Variants in ACTA2 observed in about 807,000 individuals in gnomAD.
ACTA2 encodes actin alpha 2, smooth muscle, also known as actin, aortic smooth muscle.
A neutral mutation model predicts 39.5 loss-of-function variants in ACTA2; 12 were observed. The ratio of observed to expected loss-of-function variants is 0.30; its 90% CI spans 0.19 to 0.49. The LOEUF (loss-of-function observed/expected upper bound fraction) is 0.49, where lower values mean the gene tolerates loss of function less well. Among genes scored for constraint, ACTA2 ranks in the 20% least tolerant of loss-of-function variants. The pLI is 0.99. For synonymous variants in ACTA2, 158 were observed against 180.6 expected (o/e 0.88, Z 1.00); for missense variants, 236 against 498.8 (o/e 0.47, Z 5.02).
At position 88,938,070 on chromosome 10, in the gene ACTA2, C is replaced by T. The variant is rs762773930; in HGVS notation, c.981G>A (p.Met327Ile). 1 of 1,613,918 alleles carries T rather than the reference C, an allele frequency of 6.2e-7. No homozygotes were observed. Among genetic ancestry groups the T allele is most frequent in the Non-Finnish European group, 8.5e-7 (1 of 1,179,902 alleles). The change falls in exon 8 of 9, where the codon ATG becomes ATA. Residue 327 changes from methionine (M) to isoleucine (I), a missense_variant. Physicochemically the swap from Met to Ile is conservative, Grantham distance 10. Transcript: ENST00000224784. The stretch of plus-strand genomic sequence containing the variant: ...TGTCACTGAACAGTACCTTGATCTT[C>T]ATGGTGCTGGGTGCTAGGGCCGTGA... Reference protein sequence around the residue: ...KEITALAPSTMKIKIIAPPER... With the variant: ...KEITALAPSTIKIKIIAPPER...
intron 1 of ACTA2, among the ~76,000 whole-genome samples, chr10:88,949,995 A>G (rs559038120): frequency 3.3e-5 from 5 of 152,350 alleles, no homozygotes; most frequent in African/African-American, 1.2e-4. Flanking sequence ...CTTTCATAAA[A>G]TTAGAAAGGC....
At chr10:88,945,855 C>G (rs934933218) in intron 3 of ACTA2, among the ~76,000 whole-genome samples, 5 of 152,114 alleles carry the variant, frequency 3.3e-5, no homozygotes, top group Non-Finnish European at 4.4e-5. Context: ...TAAGACTACT[C>G]CCAGCATTTC....
chr10:88,947,717 T>A (rs908349833), intron 2 of ACTA2, among the ~76,000 whole-genome samples: 1 of 152,340 alleles, frequency 6.6e-6, no homozygotes, highest in Non-Finnish European at 1.5e-5. Flanking sequence ...ATGGCACATA[T>A]GTGGCACTCA....
intron 1 of ACTA2, among the ~76,000 whole-genome samples, chr10:88,981,777 C>T (rs1846719378): frequency 6.6e-6 from 1 of 152,066 alleles, no homozygotes; most frequent in Admixed American, 6.5e-5. Context: ...AGTCTGTGCT[C>T]GTGGGTATGT....
At chr10:88,942,097 AGT>A (rs1845866435) in intron 4 of ACTA2, among the ~76,000 whole-genome samples, 1 of 152,168 alleles carries the variant, frequency 6.6e-6, no homozygotes. Context: ...GGGAAGAAAC[AGT>A]GTGCACACAA....
intron 1 of ACTA2, chr10:88,973,360 T>A: frequency 6.8e-7 from 1 of 1,466,512 alleles, no homozygotes; most frequent in Non-Finnish European, 9.1e-7. Flanking sequence ...AATCCAAGAA[T>A]TGCCAGGCGA....
intron 6 of ACTA2, chr10:88,940,595 T>A (rs1845829841): frequency 6.0e-6 from 1 of 166,522 alleles, no homozygotes; most frequent in African/African-American, 2.4e-5. Flanking sequence ...ACATACAATG[T>A]TTCTGGCAAT....
At position 88,941,335 on chromosome 10, in the gene ACTA2, G is replaced by A. The variant is rs891270851; in HGVS notation, c.510C>T (p.Gly170=). Residue 170 remains glycine (G), a synonymous_variant, in exon 6 of 9, where the codon GGC becomes GGT. Coordinates refer to ENST00000224784, the MANE Select transcript of ACTA2 (RefSeq NM_001613.4). The stretch of plus-strand genomic sequence containing the variant: ...GCATGATGGCATGGGGCAAGGCATA[G>A]CCCTCATAGATGGGGACATTGTGGG... The part of the protein sequence containing the change: ...GVTHNVPIYE[G]YALPHAIMRL... 4 of 1,613,774 alleles carry A rather than the reference G, an allele frequency of 2.5e-6. No homozygotes were observed. Among genetic ancestry groups the A allele is most frequent in the Non-Finnish European group, 1.7e-6 (2 of 1,179,952 alleles).
At chr10:88,976,479 A>G (rs552791970) in intron 1 of ACTA2, among the ~76,000 whole-genome samples, 1 of 152,358 alleles carries the variant, frequency 6.6e-6, no homozygotes, top group East Asian at 1.9e-4. Flanking sequence ...AAATTAGTAC[A>G]TTAATTACAT....
chr10:88,957,620 C>T (rs1846158316), upstream of ACTA2, among the ~76,000 whole-genome samples: 1 of 152,190 alleles, frequency 6.6e-6, no homozygotes, highest in Non-Finnish European at 1.5e-5. Flanking sequence ...AACTGAGGAC[C>T]TTTGCTCATG....
In ACTA2 at chr10:88,990,981, G is replaced by C; in HGVS notation, c.-66C>G. The C allele has an allele frequency of 1.2e-6, 2 of 1,605,668 alleles. No individual in the cohort carries two copies. Among genetic ancestry groups the C allele is most frequent in the Non-Finnish European group, 1.7e-6 (2 of 1,173,098 alleles). On this transcript the variant is annotated 5_prime_UTR_variant, in exon 1 of 5. Coordinates refer to the ACTA2 transcript ENST00000415557. The surrounding 1 kb of genome is among the most constrained non-coding windows in gnomAD (Gnocchi z 4.9). ...GATAGGCAAAGTGGGGCGGGCGCGG[G>C]ACGCGTGCGGGATTGCGGCGGCAGC...
At position 88,941,766 on chromosome 10, in the gene ACTA2, G is replaced by A; in HGVS notation, c.454+19C>T. The A allele has an allele frequency of 6.2e-7, 1 of 1,604,812 alleles. No homozygotes were observed. The highest frequency in any genetic ancestry group is 2.2e-5 in the East Asian group (1 of 44,540). On this transcript the variant is annotated intron_variant, in intron 5 of 8. Coordinates refer to ENST00000224784, the MANE Select transcript of ACTA2 (RefSeq NM_001613.4). Reference sequence around the variant, plus strand: ...GGCAGTGCGCTCCAACCAGCTTGCTGTCCCGCCCAGCCACCTACCAGTTGT... The same window carrying A: ...GGCAGTGCGCTCCAACCAGCTTGCTATCCCGCCCAGCCACCTACCAGTTGT...
rs186105132 is a variant in ACTA2 at position 88,963,067 on chromosome 10, C to T, written c.-23-14114G>A. On this transcript the variant is annotated intron_variant, in intron 1 of 4. Coordinates refer to the ACTA2 transcript ENST00000415557. ...ATCTCATGAGACTTATTCACTGTCA[C>T]GAGAACAGCACAGAAAAGACCCACC... Among the ~76,000 whole-genome samples, 146 of 150,162 alleles carry T rather than the reference C, an allele frequency of 9.7e-4. 2 individuals are homozygous for T. Among genetic ancestry groups the T allele is most frequent in the African/African-American group, 1.4e-3 (59 of 41,076 alleles).
chr10:88,972,039 G>A (rs909251478), intron 1 of ACTA2, among the ~76,000 whole-genome samples: 22 of 152,028 alleles, frequency 1.4e-4, no homozygotes, highest in African/African-American at 4.8e-4. Context: ...CTCCTAAGGA[G>A]CTGGGACTAC....
intron 1 of ACTA2, among the ~76,000 whole-genome samples, chr10:88,962,026 G>T (rs1345337899): frequency 6.6e-6 from 1 of 152,020 alleles, no homozygotes; most frequent in Non-Finnish European, 1.5e-5. Flanking sequence ...GACAAGTTTT[G>T]CAAATTCAGA....
intron 1 of ACTA2, among the ~76,000 whole-genome samples, chr10:88,966,045 A>T (rs755483910): frequency 4.6e-5 from 7 of 152,186 alleles, no homozygotes; most frequent in Non-Finnish European, 1.5e-5. Context: ...GTGCAAAAGT[A>T]ATCACGGTTT....
chr10:88,987,230 C>T (rs968593251), intron 1 of ACTA2, among the ~76,000 whole-genome samples: 4 of 152,216 alleles, frequency 2.6e-5, no homozygotes, highest in Non-Finnish European at 4.4e-5. Context: ...ATTATCTTTA[C>T]TTGAGCTTGA....
upstream of ACTA2, among the ~76,000 whole-genome samples, chr10:88,956,417 T>A (rs1846139612): frequency 6.6e-6 from 1 of 152,198 alleles, no homozygotes; most frequent in African/African-American, 2.4e-5. Context: ...ACACTAATCC[T>A]CCTGTCTCCC....
intron 1 of ACTA2, among the ~76,000 whole-genome samples, chr10:88,983,812 AAACCC>A (rs1846788488): frequency 6.6e-6 from 1 of 152,200 alleles, no homozygotes; most frequent in Non-Finnish European, 1.5e-5. Context: ...GAACTTTGAT[AAACCC>A]ATTGAATGAC....
Sources: gnomAD v4.1 joint callset for allele counts (sites outside exome capture counted in the v4.1 genomes callset) on GRCh38, gnomAD v4.1.1 for gene constraint, Gnocchi (gnomAD v3.1) non-coding constraint, MANE v1.5 for transcripts, NCBI Gene and HGNC (gene_info 2026-07-23, HGNC 2026-07-21) for gene names.